Variants in UST observed in about 807,000 individuals in gnomAD.
UST encodes chondroitin sulfate 2-O-sulfotransferase.
UST carries 21 observed loss-of-function variants against 45.6 expected under a neutral mutation model. The observed-to-expected ratio is 0.46, with a 90% CI of 0.33 to 0.66. The LOEUF is 0.66. Among genes scored for constraint, UST ranks in the 30% least tolerant of loss-of-function variants. The pLI is 0.02. For synonymous variants in UST, 215 were observed against 200.6 expected (o/e 1.07, Z -0.61); for missense variants, 463 against 512.4 (o/e 0.90, Z 0.93).
chr6:148,878,453 TG>T (rs1778753397), intron 1 of UST, among the ~76,000 whole-genome samples: 1 of 80,920 alleles, frequency 1.2e-5, no homozygotes, highest in Non-Finnish European at 2.4e-5. Flanking sequence ...CGTGTATGAG[TG>T]GGGTGTCGTG....
At chr6:148,889,108 A>G (rs1198873753) in intron 2 of UST, among the ~76,000 whole-genome samples, 1 of 152,224 alleles carries the variant, frequency 6.6e-6, no homozygotes, top group East Asian at 1.9e-4. Flanking sequence ...GGCTTATTAA[A>G]ACACAGATTG....
At chr6:148,751,940 T>C (rs2114643039) in intron 1 of UST, among the ~76,000 whole-genome samples, 1 of 152,354 alleles carries the variant, frequency 6.6e-6, no homozygotes, top group Non-Finnish European at 1.5e-5. Context: ...ACTACTGATC[T>C]TGTACAACCG....
intron 7 of UST, among the ~76,000 whole-genome samples, chr6:149,070,578 ATGAGGCTGT>A (rs1212822855): frequency 1.3e-5 from 2 of 152,198 alleles, no homozygotes; most frequent in Non-Finnish European, 2.9e-5. Context: ...CCCTTATTCA[ATGAGGCTGT>A]TGGCCACATA....
Position 148,860,261 on chromosome 6 carries a change from T to G in UST, c.248-26725T>G, listed in dbSNP as rs551320983. Among the ~76,000 whole-genome samples the G allele has an allele frequency of 4.4e-4, 67 of 152,354 alleles. 1 individual carries two copies. The South Asian group carries it at 9.1e-3, about 21-fold the overall frequency. The stretch of plus-strand genomic sequence containing the variant: ...TATTTTATTCTCTTTGAAGCAATTG[T>G]GAATGGGAGTTCACTCATGATTTGG... On this transcript the variant is annotated intron_variant, in intron 1 of 7. Coordinates refer to ENST00000367463, the MANE Select transcript of UST (RefSeq NM_005715.3).
intron 1 of UST, among the ~76,000 whole-genome samples, chr6:148,841,044 G>A (rs534339024): frequency 7.0e-4 from 97 of 138,496 alleles, no homozygotes; most frequent in East Asian, 1.4e-3. Context: ...ATTTTGAAAT[G>A]AAAAAAAAAA....
chr6:149,010,913 A>AAAAAAAAAC (rs755674810), intron 5 of UST, among the ~76,000 whole-genome samples: 1,429 of 93,024 alleles, frequency 0.015, 47 homozygotes, highest in Non-Finnish European at 0.021. Context: ...AAAAAAAAAA[A>AAAAAAAAAC]AAAAAACTGT....
chr6:148,900,968 TCTC>T (rs1222035813), intron 2 of UST, among the ~76,000 whole-genome samples: 1 of 152,214 alleles, frequency 6.6e-6, no homozygotes, highest in Non-Finnish European at 1.5e-5. Context: ...AGACTCTCCT[TCTC>T]CTCTCTCCTT....
chr6:149,017,525 A>G (rs1775921261), intron 5 of UST, among the ~76,000 whole-genome samples: 1 of 152,178 alleles, frequency 6.6e-6, no homozygotes, highest in Non-Finnish European at 1.5e-5. Context: ...GTCTCCTTCC[A>G]GATCCTTTTG....
intron 5 of UST, among the ~76,000 whole-genome samples, chr6:149,003,879 C>T (rs766878530): frequency 6.6e-6 from 1 of 152,198 alleles, no homozygotes; most frequent in Non-Finnish European, 1.5e-5. Flanking sequence ...GCGTCCCCAG[C>T]ATTTAATAGA....
rs115570370 is a variant in UST at position 148,772,712 on chromosome 6, C to T, written c.247+25035C>T. On this transcript the variant is annotated intron_variant, in intron 1 of 7. Transcript: ENST00000367463. ...GTGCTGGGATTACAGGTTGAGCCAC[C>T]GTGTCCAGCCCCTTCTGAGCTTTCA... is the stretch of plus-strand genomic sequence containing the variant. Among the ~76,000 whole-genome samples the T allele has an allele frequency of 1.5e-3, 228 of 152,282 alleles. 1 individual carries two copies. Among genetic ancestry groups the T allele is most frequent in the African/African-American group, 5.0e-3 (207 of 41,548 alleles).
intron 7 of UST, among the ~76,000 whole-genome samples, chr6:149,058,895 AAC>A (rs1308038353): frequency 6.6e-6 from 1 of 152,196 alleles, no homozygotes; most frequent in Non-Finnish European, 1.5e-5. Flanking sequence ...TGCTGAGGAA[AAC>A]ACACACGTAG....
intron 1 of UST, among the ~76,000 whole-genome samples, chr6:148,839,959 C>A (rs1777858770): frequency 6.6e-6 from 1 of 151,988 alleles, no homozygotes; most frequent in Admixed American, 6.6e-5. Flanking sequence ...TTCATAGTAC[C>A]ACACTACCTC....
chr6:148,772,140 A>G (rs1158281217), intron 1 of UST, among the ~76,000 whole-genome samples: 1 of 152,166 alleles, frequency 6.6e-6, no homozygotes, highest in Non-Finnish European at 1.5e-5. Context: ...TAGGTGTCCT[A>G]CTTTTCATTG....
intron 7 of UST, among the ~76,000 whole-genome samples, chr6:149,024,891 G>A (rs1236963453): frequency 1.3e-5 from 2 of 151,662 alleles, no homozygotes; most frequent in African/African-American, 4.8e-5. Flanking sequence ...GCTGAATTAA[G>A]ATGCAAAAAC....
chr6:148,922,495 T>TC (rs1386391061), intron 2 of UST, among the ~76,000 whole-genome samples: 2 of 150,322 alleles, frequency 1.3e-5, no homozygotes, highest in Non-Finnish European at 3.0e-5. Flanking sequence ...TCTTTTTCTT[T>TC]TTTTTTTTTT....
At chr6:149,027,793 C>G (rs1305494752) in intron 7 of UST, 1 of 151,840 alleles carries the variant, frequency 6.6e-6, no homozygotes, top group Non-Finnish European at 1.5e-5. Context: ...GTGGAGAAGA[C>G]AGTATGTCAT....
chr6:148,986,613 G>A (rs551278526), intron 5 of UST, among the ~76,000 whole-genome samples: 42 of 152,340 alleles, frequency 2.8e-4, no homozygotes, highest in African/African-American at 9.4e-4. Context: ...GCATTTGCCG[G>A]TACACCACTG....
At chr6:148,850,373 C>T (rs766098537) in intron 1 of UST, among the ~76,000 whole-genome samples, 1 of 152,142 alleles carries the variant, frequency 6.6e-6, no homozygotes, top group Non-Finnish European at 1.5e-5. Flanking sequence ...CATAGCCACC[C>T]TTCTGACACT....
At chr6:148,919,226 G>A (rs944719043) in intron 2 of UST, among the ~76,000 whole-genome samples, 14 of 152,158 alleles carry the variant, frequency 9.2e-5, no homozygotes, top group Non-Finnish European at 4.4e-5. Flanking sequence ...AGGCTGTCAA[G>A]GGTTCTGCTA....
Sources: gnomAD v4.1 joint callset for allele counts (sites outside exome capture counted in the v4.1 genomes callset) on GRCh38, gnomAD v4.1.1 for gene constraint, MANE v1.5 for transcripts, NCBI Gene and HGNC (gene_info 2026-07-23, HGNC 2026-07-21) for gene names.